The following MACF1 variants were observed in gnomAD, a reference collection of about 807,000 sequenced individuals.
The protein encoded by MACF1 is microtubule-actin cross-linking factor 1.
A neutral mutation model predicts 854.8 loss-of-function variants in MACF1; 193 were observed. The ratio of observed to expected loss-of-function variants is 0.23; its 90% CI spans 0.20 to 0.25. The LOEUF (loss-of-function observed/expected upper bound fraction) is 0.25. Ranked by LOEUF, MACF1 falls within the 10% of genes least tolerant of loss-of-function variation. The pLI, the probability that MACF1 is intolerant of heterozygous loss-of-function variation, is 1.00. For missense variants in MACF1, 7,722 were observed against 8,929.1 expected, an observed-to-expected ratio of 0.86 and a Z score of 5.45; for synonymous variants, 3,185 against 3,226.7, an observed-to-expected ratio of 0.99 and a Z score of 0.44.
chr1:39,411,707 C>G, intron 58 of MACF1: 1 of 1,613,856 alleles, frequency 6.2e-7, no homozygotes, highest in Non-Finnish European at 8.5e-7. Flanking sequence ...GAAGGAGTAA[C>G]TCCTCTAGTT....
At chr1:39,448,974 G>A (rs1365564164) in intron 84 of MACF1, among the ~76,000 whole-genome samples, 1 of 151,974 alleles carries the variant, frequency 6.6e-6, no homozygotes, top group Admixed American at 6.6e-5. Flanking sequence ...TTAGAGAGAG[G>A]CCTATAAAAT....
chr1:39,335,062 A>C lies in MACF1; in HGVS notation c.8474A>C (p.Lys2825Thr). The change falls in exon 37 of 101, where the codon AAG (lysine) becomes ACG (threonine). Residue 2825 changes from lysine to threonine, a missense_variant. This residue lies in a region of MACF1 where 1,531 missense variants were observed against 1,601.6 expected (regional missense o/e 0.96). Transcript: ENST00000564288. ...GTTGAAAATCAGTCTGCACAAGAAA[A>C]GGTTAAAGTGAGAGTTTCTGATGGG... ...FQVENQSAQE[K>T]VKVRVSDGEQ... 1 of 1,614,050 alleles carries C rather than the reference A, an allele frequency of 6.2e-7. No homozygotes were observed. Among genetic ancestry groups the C allele is most frequent in the African/African-American group, 1.3e-5 (1 of 75,040 alleles).
At chr1:39,160,803 G>A (rs1643783071) in intron 2 of MACF1, among the ~76,000 whole-genome samples, 1 of 152,236 alleles carries the variant, frequency 6.6e-6, no homozygotes, top group Non-Finnish European at 1.5e-5. Context: ...CCTCCTGTGG[G>A]TTGAGTTTCA....
In MACF1 at chr1:39,292,078, G is replaced by A. The variant is rs540367596; in HGVS notation, c.1914+40G>A. 5 of 1,608,984 alleles carry A rather than the reference G, an allele frequency of 3.1e-6. No individual in the cohort carries two copies. The African/African-American group carries it at 5.3e-5, about 17-fold the overall frequency. On this transcript the variant is annotated intron_variant, in intron 16 of 100. Coordinates refer to ENST00000564288, the MANE Select transcript of MACF1 (RefSeq NM_001394062.1). The stretch of plus-strand genomic sequence containing the variant: ...GAATCCACATTACAGGAGGGACGTG[G>A]TTGGAACGGATGAAAGGACAGTACA...
At chr1:39,280,391 A>G (rs1319349081) in intron 6 of MACF1, among the ~76,000 whole-genome samples, 1 of 152,150 alleles carries the variant, frequency 6.6e-6, no homozygotes, top group Non-Finnish European at 1.5e-5. Context: ...CGTTCACAGC[A>G]TCTTAGTTTC....
chr1:39,315,749 G>A, intron 27 of MACF1, 58 bp downstream of exon 27: 2 of 1,532,834 alleles, frequency 1.3e-6, no homozygotes. Flanking sequence ...ATAAGAAAGA[G>A]AAAGGCTTAA....
intron 18 of MACF1, among the ~76,000 whole-genome samples, chr1:39,294,359 C>T (rs1331601079): frequency 6.6e-6 from 1 of 152,106 alleles, no homozygotes; most frequent in Non-Finnish European, 1.5e-5. Flanking sequence ...GTAAACTATG[C>T]AAATAGGGAG....
At chr1:39,176,287 A>AG (rs1467946268) in intron 2 of MACF1, among the ~76,000 whole-genome samples, 2 of 150,486 alleles carry the variant, frequency 1.3e-5, no homozygotes, top group East Asian at 3.9e-4. Context: ...CCAAAAAAAA[A>AG]AAAAATTCTC....
At chr1:39,438,353 T>G (rs894660984) in intron 71 of MACF1, among the ~76,000 whole-genome samples, 1 of 152,248 alleles carries the variant, frequency 6.6e-6, no homozygotes, top group African/African-American at 2.4e-5. Flanking sequence ...AAACAAGAGT[T>G]CTCATCTTAG....
At chr1:39,315,747 G>GAGAA (rs1440882270) in intron 27 of MACF1, 56 bp downstream of exon 27, 2 of 1,538,510 alleles carry the variant, frequency 1.3e-6, no homozygotes, top group African/African-American at 2.7e-5. Flanking sequence ...GGATAAGAAA[G>GAGAA]AGAAAGGCTT....
chr1:39,220,607 C>T (rs1420612859), intron 1 of MACF1, among the ~76,000 whole-genome samples: 2 of 151,330 alleles, frequency 1.3e-5, no homozygotes, highest in African/African-American at 2.4e-5. Flanking sequence ...GTCAGCCTCC[C>T]GAGTAGCTGG....
At chr1:39,482,565 G>GGT (rs1320631725) in intron 99 of MACF1, among the ~76,000 whole-genome samples, 1 of 151,940 alleles carries the variant, frequency 6.6e-6, no homozygotes, top group African/African-American at 2.4e-5. Flanking sequence ...GTAGAGACAA[G>GGT]GTCAAATAAT....
At position 39,378,071 on chromosome 1, in the gene MACF1, G is replaced by T. The variant is rs568321780; in HGVS notation, c.13214-390G>T. Among the ~76,000 whole-genome samples the T allele has an allele frequency of 9.9e-5, 15 of 151,950 alleles. No homozygotes were observed. In the South Asian group the frequency reaches 2.3e-3, roughly 23 times the overall value. The stretch of plus-strand genomic sequence containing the variant: ...TATTTTCATTTTTATTATATTGAAA[G>T]ATATTGATATAAAAGGTGAAACTTT... On this transcript the variant is annotated intron_variant, in intron 52 of 100. Coordinates refer to ENST00000564288, the MANE Select transcript of MACF1 (RefSeq NM_001394062.1).
chr1:39,269,663 A>G, intron 6 of MACF1: 1 of 1,289,792 alleles, frequency 7.8e-7, no homozygotes, highest in South Asian at 1.2e-5. Context: ...CCTTCTCAGA[A>G]GAGGATGGCA....
Position 39,378,494 on chromosome 1 carries a change from G to T in MACF1, c.13247G>T (p.Gly4416Val), listed in dbSNP as rs759202426. 1 of 1,613,990 alleles carries T rather than the reference G, an allele frequency of 6.2e-7. No homozygotes were observed. Among genetic ancestry groups the T allele is most frequent in the South Asian group, 1.1e-5 (1 of 91,058 alleles). The change falls in exon 53 of 101, where the codon GGC (glycine) becomes GTC (valine). Residue 4416 changes from glycine to valine, a missense_variant. Transcript: ENST00000564288. ...SILPSVGSSV[G>V]SVNGYHTCKD... ...CTGCCCTCTGTAGGAAGCTCTGTAG[G>T]CAGTGTAAACGGATACCACACCTGC...
chr1:39,186,663 A>T (rs1463190226), intron 2 of MACF1, among the ~76,000 whole-genome samples: 1 of 151,926 alleles, frequency 6.6e-6, no homozygotes, highest in Non-Finnish European at 1.5e-5. Context: ...GCTGGAGTGC[A>T]GTGGTGTGAT....
intron 70 of MACF1, among the ~76,000 whole-genome samples, chr1:39,437,294 G>T (rs1644000645): frequency 6.9e-6 from 1 of 145,250 alleles, no homozygotes; most frequent in Non-Finnish European, 1.5e-5. Flanking sequence ...AAACAGTTTT[G>T]TTGTTGTTTT....
At chr1:39,307,679 TCTC>T (rs1458963928) in intron 23 of MACF1, among the ~76,000 whole-genome samples, 2 of 151,476 alleles carry the variant, frequency 1.3e-5, no homozygotes, top group Non-Finnish European at 2.9e-5. Context: ...TTCAGGCAAT[TCTC>T]CTGCCTCAGC....
chr1:39,363,290 T>C (rs1224652658), intron 49 of MACF1, among the ~76,000 whole-genome samples: 1 of 152,222 alleles, frequency 6.6e-6, no homozygotes, highest in Non-Finnish European at 1.5e-5. Context: ...ACTCAAGGTA[T>C]AGGAAGTGAA....
Sources: gnomAD v4.1 joint callset for allele counts (sites outside exome capture counted in the v4.1 genomes callset) on GRCh38, gnomAD v4.1.1 for gene constraint, gnomAD v4.1.1 regional missense constraint, MANE v1.5 for transcripts, NCBI Gene and HGNC (gene_info 2026-07-23, HGNC 2026-07-21) for gene names.